GATA3: variants seen among roughly 807,000 people sequenced by gnomAD.
GATA3 encodes the protein GATA binding protein 3, also known as trans-acting T-cell-specific transcription factor GATA-3.
Under a neutral mutation model 36.0 loss-of-function variants are expected in GATA3, and 6 were observed. That is an observed-to-expected ratio of 0.17 (90% CI 0.09 to 0.33). GATA3 has a LOEUF of 0.33. GATA3 is among the 10% of genes least tolerant of loss of function. The pLI, the probability that GATA3 is intolerant of heterozygous loss-of-function variation, is 1.00. For synonymous variants in GATA3, 326 were observed against 273.0 expected (o/e 1.19, Z -1.92); for missense variants, 514 against 610.1 (o/e 0.84, Z 1.66).
At position 8,048,019 on chromosome 10, in the gene GATA3, T is replaced by A. The variant is rs567404318; in HGVS notation, c.-370+2504T>A. On this transcript the variant is annotated intron_variant, in intron 1 of 1. Transcript: ENST00000643001. The stretch of plus-strand genomic sequence containing the variant: ...CTCCAAGATCTGAATGGAGTCCCCC[T>A]CCCCCTCTTTTCCTATCCGTGCTGT... Among the ~76,000 whole-genome samples, 6 of 151,950 alleles carry A rather than the reference T, an allele frequency of 3.9e-5. No homozygotes were observed. In the South Asian group the frequency reaches 1.2e-3, roughly 32 times the overall value.
At chr10:8,047,724 C>T (rs1397198155) in intron 1 of GATA3, among the ~76,000 whole-genome samples, 2 of 152,176 alleles carry the variant, frequency 1.3e-5, no homozygotes, top group African/African-American at 4.8e-5. Context: ...CAGGCACATG[C>T]GTCTGGTTGC....
rs2131522168 is a variant in GATA3 at position 8,073,929 on chromosome 10, G to A, written c.1241G>A (p.Ser414Asn). Residue 414 changes from serine to asparagine, a missense_variant, in exon 6 of 6, where the codon AGC becomes AAC. This residue lies in a region of GATA3 where 89 missense variants were observed against 104.2 expected (regional missense o/e 0.85). Coordinates refer to ENST00000379328, the MANE Select transcript of GATA3 (RefSeq NM_001002295.2). The stretch of plus-strand genomic sequence containing the variant: ...CACATCTCGCCCTTCAGCCACTCCA[G>A]CCACATGCTGACCACGCCCACGCCG... Reference protein sequence around the residue: ...LSHISPFSHSSHMLTTPTPMH... With the variant: ...LSHISPFSHSNHMLTTPTPMH... 6.2e-7 allele frequency: 1 copy of A among 1,614,082 alleles called. No homozygotes were observed.
chr10:8,053,065 AC>A (rs1564395398), upstream of GATA3: 2 of 152,306 alleles, frequency 1.3e-5, no homozygotes, highest in South Asian at 2.1e-4. The surrounding 1 kb of genome is among the most constrained non-coding windows in gnomAD (Gnocchi z 5.1). Flanking sequence ...TTCTTCCAAT[AC>A]ATTTCACTAA....
upstream of GATA3, chr10:8,052,101 C>G (rs1832510028): frequency 1.3e-5 from 2 of 152,270 alleles, no homozygotes; most frequent in South Asian, 4.1e-4. Flanking sequence ...TCCCAATTAC[C>G]CACTGTCAGT....
chr10:8,063,968 G>A (rs1832791374), intron 3 of GATA3, 25 bp from the exon 4 acceptor site: 1 of 1,614,190 alleles, frequency 6.2e-7, no homozygotes, highest in Non-Finnish European at 8.5e-7. Flanking sequence ...TTCCCTAAGT[G>A]GCTTATCTGT....
rs150545188 is a variant in GATA3, at chr10:8,069,617, G to T, written c.1050+19G>T. The T allele has an allele frequency of 1.9e-6, 3 of 1,613,946 alleles. No homozygotes were observed. The highest frequency in any genetic ancestry group is 2.2e-5 in the East Asian group (1 of 44,878). On this transcript the variant is annotated intron_variant, in intron 5 of 5. Coordinates refer to ENST00000379328, the MANE Select transcript of GATA3 (RefSeq NM_001002295.2). The stretch of plus-strand genomic sequence containing the variant: ...TCACAATGTAAGTGGACTGGGATCA[G>T]CAAGAACAGGGCTCGCTTCCTGATG...
At chr10:8,057,046 C>A (rs1430137574) in intron 2 of GATA3, among the ~76,000 whole-genome samples, 1 of 152,296 alleles carries the variant, frequency 6.6e-6, no homozygotes, top group South Asian at 2.1e-4. Flanking sequence ...ATCGTTTCTG[C>A]GGATGGGGCG....
chr10:8,064,308 C>CTTTTTTTTTTTTTTTTTTTTTTTT (rs1315616378), intron 4 of GATA3, among the ~76,000 whole-genome samples, 170 bp downstream of exon 4: 2 of 114,134 alleles, frequency 1.8e-5, no homozygotes, highest in African/African-American at 3.6e-5. Flanking sequence ...TTTTCTTCTT[C>CTTTTTTTTTTTTTTTTTTTTTTTT]TTCTTTTTTT....
chr10:8,069,395 T>TC (rs1409397942), intron 4 of GATA3, 78 bp from the exon 5 acceptor site: 5 of 1,384,510 alleles, frequency 3.6e-6, no homozygotes, highest in Non-Finnish European at 4.1e-6. Context: ...TTTTTTTTTT[T>TC]CAAGCCTGTC....
chr10:8,069,215 C>T (rs1832891857), intron 4 of GATA3, among the ~76,000 whole-genome samples: 1 of 152,102 alleles, frequency 6.6e-6, no homozygotes, highest in African/African-American at 2.4e-5. Context: ...CCCCGGCTTC[C>T]TGCTCCTACC....
At position 8,058,695 on chromosome 10, in the gene GATA3, C is replaced by T. The variant is rs747663891; in HGVS notation, c.632C>T (p.Ala211Val). The T allele has an allele frequency of 1.9e-6, 3 of 1,613,002 alleles. No homozygotes were observed. The South Asian group carries it at 3.3e-5, about 18-fold the overall frequency. The change falls in exon 3 of 6, where the codon GCC (alanine) becomes GTC (valine). Residue 211 changes from alanine to valine, a missense_variant. Physicochemically the swap from Ala to Val is moderately conservative, Grantham distance 64. Coordinates refer to ENST00000379328, the MANE Select transcript of GATA3 (RefSeq NM_001002295.2). ...SRGSMTALGG[A>V]SSSTHHPITT... ...GGCAGCATGACCGCCCTGGGTGGAG[C>T]CTCCTCGTCGACCCACCACCCCATC...
Position 8,058,490 on chromosome 10 carries a change from G to C in GATA3, c.427G>C (p.Gly143Arg), listed in dbSNP as rs1321349240. Residue 143 changes from glycine (G) to arginine (R), a missense_variant, in exon 3 of 6, where the codon GGG becomes CGG. Coordinates refer to ENST00000379328, the MANE Select transcript of GATA3 (RefSeq NM_001002295.2). ...YPPASSSSLS[G>R]GHASPHLFTF... ...CCCGGCCTCGTCCTCCTCCTTGTCG[G>C]GGGGCCACGCCAGCCCGCACCTCTT... 2 of 1,612,212 alleles carry C rather than the reference G, an allele frequency of 1.2e-6. No homozygotes were observed. Among genetic ancestry groups the C allele is most frequent in the Non-Finnish European group, 1.7e-6 (2 of 1,179,764 alleles).
chr10:8,063,102 G>C (rs1017962676), intron 3 of GATA3, among the ~76,000 whole-genome samples: 2 of 152,058 alleles, frequency 1.3e-5, no homozygotes, highest in Non-Finnish European at 2.9e-5. Flanking sequence ...TGTGTTTTTG[G>C]GAAAAGAGAA....
chr10:8,058,931 A>T, intron 3 of GATA3, 90 bp downstream of exon 3: 3 of 1,257,260 alleles, frequency 2.4e-6, no homozygotes, highest in Non-Finnish European at 2.2e-6. Flanking sequence ...CCCTCAGGGG[A>T]GCCGGGGTGT....
intron 1 of GATA3, among the ~76,000 whole-genome samples, chr10:8,046,809 C>A (rs990006141): frequency 3.3e-5 from 5 of 151,930 alleles, no homozygotes; most frequent in Admixed American, 1.3e-4. Flanking sequence ...GGTGTCGGGT[C>A]GCATAGGGGG....
At chr10:8,060,546 A>T (rs200133696) in intron 3 of GATA3, among the ~76,000 whole-genome samples, 6 of 125,684 alleles carry the variant, frequency 4.8e-5, no homozygotes, top group South Asian at 5.6e-4. Context: ...TTTTTTTTTT[A>T]AAGTTCTCTT....
At chr10:8,049,077 G>A (rs1832428931), upstream of GATA3, among the ~76,000 whole-genome samples, 1 of 148,236 alleles carries the variant, frequency 6.7e-6, no homozygotes, top group Non-Finnish European at 1.5e-5. Context: ...CGATGAATAA[G>A]CAAAACAAAC....
intron 4 of GATA3, among the ~76,000 whole-genome samples, chr10:8,067,390 G>A (rs537172804): frequency 6.6e-6 from 1 of 152,318 alleles, no homozygotes; most frequent in Admixed American, 6.5e-5. Flanking sequence ...AAGCATATCT[G>A]TGAAACAATT....
intron 4 of GATA3, among the ~76,000 whole-genome samples, chr10:8,066,774 T>C (rs914037054): frequency 1.3e-5 from 2 of 152,228 alleles, no homozygotes; most frequent in Non-Finnish European, 2.9e-5. Context: ...TAATATACTG[T>C]ACCTCCTGCT....
Sources: gnomAD v4.1 joint callset for allele counts (sites outside exome capture counted in the v4.1 genomes callset) on GRCh38, gnomAD v4.1.1 for gene constraint, gnomAD v4.1.1 regional missense constraint, Gnocchi (gnomAD v3.1) non-coding constraint, MANE v1.5 for transcripts, NCBI Gene and HGNC (gene_info 2026-07-23, HGNC 2026-07-21) for gene names.